Variants in APOB observed in about 807,000 individuals in gnomAD.
APOB encodes the protein apolipoprotein B, also known as apolipoprotein B-100.
In APOB, 153 loss-of-function variants were observed where a neutral mutation model predicts 314.1. The ratio of observed to expected loss-of-function variants is 0.49; its 90% CI spans 0.43 to 0.56. The LOEUF (loss-of-function observed/expected upper bound fraction) is 0.56. Ranked by LOEUF, APOB falls within the 20% of genes least tolerant of loss-of-function variation. APOB has a pLI of 0.00. For missense variants in APOB, 5,430 were observed against 5,350.7 expected (o/e 1.01, Z -0.46); for synonymous variants, 2,087 against 2,036.4 (o/e 1.02, Z -0.67).
At position 21,010,426 on chromosome 2, in the gene APOB, T is replaced by G; in HGVS notation, c.6442A>C (p.Lys2148Gln). 1 of 1,603,482 alleles carries G rather than the reference T, an allele frequency of 6.2e-7. No homozygotes were observed. The highest frequency in any genetic ancestry group is 8.5e-7 in the Non-Finnish European group (1 of 1,173,244). Reference sequence around the variant, plus strand: ...ATATCATTTTCTGTAATTCTATACTTTTTTGTGAGAGCAGTCAGTTTCTCC... The same window carrying G: ...ATATCATTTTCTGTAATTCTATACTGTTTTGTGAGAGCAGTCAGTTTCTCC... ...AKEKLTALTKKYRITENDIQI... is the reference protein window; with the variant it reads ...AKEKLTALTKQYRITENDIQI... Residue 2148 changes from lysine (K) to glutamine (Q), a missense_variant, in exon 26 of 29, where the codon AAG becomes CAG. Physicochemically the swap from Lys to Gln is moderately conservative, Grantham distance 53. This residue lies in a region of APOB where 3,281 missense variants were observed against 3,171.0 expected (regional missense o/e 1.03). Coordinates refer to ENST00000233242, the MANE Select transcript of APOB (RefSeq NM_000384.3).
chr2:21,040,013 T>C (rs985367937), intron 4 of APOB, among the ~76,000 whole-genome samples: 2 of 152,178 alleles, frequency 1.3e-5, no homozygotes, highest in Non-Finnish European at 2.9e-5. Context: ...CCACGTGTTG[T>C]GGGAGGGACC....
Position 21,027,985 on chromosome 2 carries a change from T to G in APOB, c.1910A>C (p.Tyr637Ser), listed in dbSNP as rs766573431. The G allele has an allele frequency of 6.2e-6, 10 of 1,614,148 alleles. No individual in the cohort carries two copies. The highest frequency in any genetic ancestry group is 8.5e-6 in the Non-Finnish European group (10 of 1,179,954). ...AAGAGAAACAGATTTGTAGAGTTGA[T>G]AGTTCCGAGAGAATTTTCTGAAGTC... Reference protein sequence around the residue: ...VMDFRKFSRNYQLYKSVSLPS... With the variant: ...VMDFRKFSRNSQLYKSVSLPS... The change falls in exon 14 of 29, where the codon TAT becomes TCT. Residue 637 changes from tyrosine to serine, a missense_variant. Tyr to Ser is a moderately radical substitution (Grantham distance 144, BLOSUM62 -2). Transcript: ENST00000233242.
chr2:21,016,933 G>A (rs1315341574), intron 20 of APOB, among the ~76,000 whole-genome samples: 1 of 151,190 alleles, frequency 6.6e-6, no homozygotes, highest in African/African-American at 2.4e-5. Context: ...GCAGTGAGCC[G>A]AGATGGCACC....
chr2:21,002,250 G>A lies in APOB; in HGVS notation c.13172C>T (p.Pro4391Leu), dbSNP rs544303971. 3.1e-6 allele frequency: 5 copies of A among 1,613,884 alleles called. No individual in the cohort carries two copies. The Admixed American group carries it at 6.7e-5, about 22-fold the overall frequency. Residue 4391 changes from proline to leucine, a missense_variant, in exon 29 of 29, where the codon CCA becomes CTA. Pro to Leu is a moderately conservative substitution (Grantham distance 98). Around this residue, in one of 3 missense-constraint regions of APOB, gnomAD observed 3,281 missense variants for 3,171.0 expected, o/e 1.03. Transcript: ENST00000233242. The stretch of plus-strand genomic sequence containing the variant: ...TTTCACTGTCCAGCCAACTATACTT[G>A]GATCAAAATATTCTTCACGAAGGGC... ...IMALREEYFD[P>L]SIVGWTVKYY...
chr2:21,040,074 G>A (rs1044628922), intron 4 of APOB, among the ~76,000 whole-genome samples: 31 of 152,128 alleles, frequency 2.0e-4, no homozygotes, highest in African/African-American at 6.5e-4. Context: ...TGCTGTTCTC[G>A]TGATTGCAGA....
At chr2:21,031,424 G>A (rs1470216073) in intron 10 of APOB, among the ~76,000 whole-genome samples, 3 of 152,288 alleles carry the variant, frequency 2.0e-5, no homozygotes, top group Non-Finnish European at 2.9e-5. Context: ...ATAGTGTGTG[G>A]AATGATAGAC....
rs1341998442 is a variant in APOB at position 21,002,798 on chromosome 2, A to T, written c.12624T>A (p.Pro4208=). 7 of 1,610,282 alleles carry T rather than the reference A, an allele frequency of 4.3e-6. No homozygotes were observed. In the East Asian group the frequency reaches 1.6e-4, roughly 36 times the overall value. ...AAAGTTCCTCCCTAGTGTATATCCC[A>T]GGTTTCCCCGGAAACTGGAATCTGG... The part of the protein sequence containing the change: ...NFPRFQFPGK[P]GIYTREELCT... The change falls in exon 29 of 29, where the codon CCT becomes CCA. Residue 4208 remains proline (P), a synonymous_variant. Coordinates refer to ENST00000233242, the MANE Select transcript of APOB (RefSeq NM_000384.3).
At chr2:21,022,628 T>A (rs561288673) in intron 18 of APOB, among the ~76,000 whole-genome samples, 1 of 152,204 alleles carries the variant, frequency 6.6e-6, no homozygotes, top group Non-Finnish European at 1.5e-5. Context: ...ATGTGAAAAG[T>A]AGAAGAAAGG....
chr2:21,016,646 G>T lies in APOB; in HGVS notation c.3125C>A (p.Ala1042Glu). ...TLKFVTQAEG[A>E]KQTEATMTFK... ...TGTCATGGTAGCCTCAGTCTGCTTC[G>T]CACCTGGACGAGTGTATAAGAGAAT... The change falls in exon 21 of 29, where the codon GCG becomes GAG. Residue 1042 changes from alanine (A) to glutamate (E), a missense_variant. Physicochemically the swap from Ala to Glu is moderately radical, Grantham distance 107. Around this residue, in one of 3 missense-constraint regions of APOB, gnomAD observed 2,085 missense variants for 2,079.7 expected, o/e 1.00. Coordinates refer to ENST00000233242, the MANE Select transcript of APOB (RefSeq NM_000384.3). 1 of 1,589,126 alleles carries T rather than the reference G, an allele frequency of 6.3e-7. No individual in the cohort carries two copies. Among genetic ancestry groups the T allele is most frequent in the Non-Finnish European group, 8.6e-7 (1 of 1,157,280 alleles).
chr2:21,013,305 G>T lies in APOB; in HGVS notation c.4071C>A (p.Asp1357Glu). 1.1e-5 allele frequency: 17 copies of T among 1,614,170 alleles called. No individual in the cohort carries two copies. The highest frequency in any genetic ancestry group is 1.4e-5 in the Non-Finnish European group (16 of 1,180,038). The change falls in exon 25 of 29, where the codon GAC becomes GAA. Residue 1357 changes from aspartate to glutamate, a missense_variant. Physicochemically the swap from Asp to Glu is conservative, Grantham distance 45. This residue lies in a region of APOB where 2,085 missense variants were observed against 2,079.7 expected (regional missense o/e 1.00). Transcript: ENST00000233242. Reference sequence around the variant, plus strand: ...AGTTGCTGTAGACATTCGTGGAGAGGTCTAGAACACCCAGGAGAGGCACTT... The same window carrying T: ...AGTTGCTGTAGACATTCGTGGAGAGTTCTAGAACACCCAGGAGAGGCACTT... ...QLQVPLLGVLDLSTNVYSNLY... is the reference protein window; with the variant it reads ...QLQVPLLGVLELSTNVYSNLY...
At chr2:21,028,633 A>T in intron 12 of APOB, 95 bp from the exon 13 acceptor site, 1 of 847,574 alleles carries the variant, frequency 1.2e-6, no homozygotes, top group Non-Finnish European at 2.0e-6. Flanking sequence ...CTCTTTCTTA[A>T]GCACAGGTCT....
At chr2:21,023,433 A>T (rs1019272218) in intron 17 of APOB, 92 bp downstream of exon 17, 65 of 1,452,894 alleles carry the variant, frequency 4.5e-5, no homozygotes, top group Non-Finnish European at 6.1e-5. Context: ...TTTGTCTTGA[A>T]GTGGAAACAC....
At chr2:21,042,559 G>T in intron 2 of APOB, 83 bp from the exon 3 acceptor site, 1 of 942,030 alleles carries the variant, frequency 1.1e-6, no homozygotes, top group Non-Finnish European at 1.8e-6. Flanking sequence ...AGGGGCAGTG[G>T]CATAGAGAAT....
At chr2:21,043,575 T>A in intron 1 of APOB, 24 bp from the exon 2 acceptor site, 2 of 1,592,580 alleles carry the variant, frequency 1.3e-6, no homozygotes, top group South Asian at 2.3e-5. Context: ...GAAAGAAATC[T>A]GTGAGCTTCC....
Position 21,008,002 on chromosome 2 carries a change from A to G in APOB, c.8866T>C (p.Ser2956Pro), listed in dbSNP as rs751122153. ...TTGATCTTATTGGACAGTCCAAAGG[A>G]AGTGAGGGGTCCTTCTATGGTGAAA... The part of the protein sequence containing the change: ...ISFTIEGPLT[S>P]FGLSNKINSK... Residue 2956 changes from serine (S) to proline (P), a missense_variant, in exon 26 of 29, where the codon TCC becomes CCC. Physicochemically the swap from Ser to Pro is moderately conservative, Grantham distance 74 (BLOSUM62 -1). Around this residue, in one of 3 missense-constraint regions of APOB, gnomAD observed 3,281 missense variants for 3,171.0 expected, o/e 1.03. Transcript: ENST00000233242. The G allele has an allele frequency of 1.2e-6, 2 of 1,614,076 alleles. No individual in the cohort carries two copies. The highest frequency in any genetic ancestry group is 1.7e-6 in the Non-Finnish European group (2 of 1,179,938).
Position 21,010,777 on chromosome 2 carries a change from T to C in APOB, c.6091A>G (p.Ser2031Gly), listed in dbSNP as rs761985168. 1 of 1,614,166 alleles carries C rather than the reference T, an allele frequency of 6.2e-7. No homozygotes were observed. The highest frequency in any genetic ancestry group is 2.2e-5 in the East Asian group (1 of 44,886). The change falls in exon 26 of 29, where the codon AGT (serine) becomes GGT (glycine). Residue 2031 changes from serine (S) to glycine (G), a missense_variant. Around this residue, in one of 3 missense-constraint regions of APOB, gnomAD observed 3,281 missense variants for 3,171.0 expected, o/e 1.03. Coordinates refer to ENST00000233242, the MANE Select transcript of APOB (RefSeq NM_000384.3). The part of the protein sequence containing the change: ...DSPIKVPLLL[S>G]EPINIIDALE... ...GCATCAATGATATTGATGGGCTCAC[T>C]GAGTAAAAGTGGCACTTTAATTGGG...
chr2:21,004,971 G>T (rs993485641), intron 26 of APOB, 109 bp downstream of exon 26: 1 of 1,443,802 alleles, frequency 6.9e-7, no homozygotes, highest in East Asian at 2.3e-5. Context: ...TTAAAATTTT[G>T]TGACATTGAG....
intron 7 of APOB, among the ~76,000 whole-genome samples, chr2:21,035,287 T>C (rs954600202): frequency 6.6e-6 from 1 of 152,202 alleles, no homozygotes. Context: ...ATCCCAAATC[T>C]TCCATGAAAC....
chr2:21,015,914 C>CCAG lies in APOB; in HGVS notation c.3333-372_3333-370dup, dbSNP rs200544901. ...GACCGAGATAATTTCTTTAAAGCACCCAGCACTGTGCTTGATACATGAATA... is the reference window on the plus strand; with the variant it reads ...GACCGAGATAATTTCTTTAAAGCACCCAGCAGCACTGTGCTTGATACATGAATA... On this transcript the variant is annotated intron_variant, in intron 21 of 28. Coordinates refer to ENST00000233242, the MANE Select transcript of APOB (RefSeq NM_000384.3). Among the ~76,000 whole-genome samples, 1,505 of 152,238 alleles carry CCAG rather than the reference C, an allele frequency of 9.9e-3. 15 individuals are homozygous for CCAG. Among genetic ancestry groups the CCAG allele is most frequent in the Middle Eastern group, 0.051 (15 of 294 alleles).
Sources: allele counts gnomAD v4.1 joint callset (sites outside exome capture counted in the v4.1 genomes callset), GRCh38; gene constraint gnomAD v4.1.1; regional missense constraint gnomAD v4.1.1; transcripts MANE v1.5; gene names NCBI Gene and HGNC (gene_info 2026-07-23, HGNC 2026-07-21).